NXPH1: variants seen among roughly 807,000 people sequenced by gnomAD.
The protein encoded by NXPH1 is neurexophilin-1.
Under a neutral mutation model 23.7 loss-of-function variants are expected in NXPH1, and 5 were observed. The ratio of observed to expected loss-of-function variants is 0.21; its 90% CI spans 0.11 to 0.44. The LOEUF is 0.44. Among genes scored for constraint, NXPH1 ranks in the 20% least tolerant of loss-of-function variants. The probability of loss-of-function intolerance (pLI) is 0.99; values close to 1 mark genes in which losing one functional copy is unlikely to be tolerated. For synonymous variants in NXPH1, 144 were observed against 122.2 expected, an observed-to-expected ratio of 1.18 and a Z score of -1.18; for missense variants, 324 against 321.6, an observed-to-expected ratio of 1.01 and a Z score of -0.06.
At chr7:8,485,768 G>A (rs1054288337) in intron 2 of NXPH1, among the ~76,000 whole-genome samples, 2 of 152,098 alleles carry the variant, frequency 1.3e-5, no homozygotes, top group African/African-American at 4.8e-5. Context: ...AGACATCAGA[G>A]GCAATAATTA....
chr7:8,679,737 G>C (rs181929223), intron 2 of NXPH1, among the ~76,000 whole-genome samples: 129 of 152,172 alleles, frequency 8.5e-4, no homozygotes, highest in African/African-American at 2.8e-3. Context: ...TAAGATTTAA[G>C]CTAGGCTGGG....
At chr7:8,592,038 G>A (rs1288522138) in intron 2 of NXPH1, among the ~76,000 whole-genome samples, 1 of 151,852 alleles carries the variant, frequency 6.6e-6, no homozygotes, top group Non-Finnish European at 1.5e-5. Flanking sequence ...TTCTCTTGGA[G>A]TTAAGGGATA....
intron 2 of NXPH1, among the ~76,000 whole-genome samples, chr7:8,723,038 G>A (rs561332559): frequency 2.0e-5 from 3 of 152,224 alleles, no homozygotes; most frequent in African/African-American, 4.8e-5. Flanking sequence ...TTTTAATATC[G>A]TTTTAATTTG....
intron 2 of NXPH1, among the ~76,000 whole-genome samples, chr7:8,729,991 C>G (rs1369935466): frequency 6.6e-6 from 1 of 151,844 alleles, no homozygotes; most frequent in East Asian, 1.9e-4. Context: ...CTTTGTAGGT[C>G]ACTCAGGACT....
At chr7:8,587,293 ACT>A (rs890928104) in intron 2 of NXPH1, among the ~76,000 whole-genome samples, 1 of 122,848 alleles carries the variant, frequency 8.1e-6, no homozygotes, top group African/African-American at 4.7e-5. Context: ...AGATTTTTAA[ACT>A]TTTTTTTTTT....
chr7:8,472,102 G>C (rs933306370), intron 2 of NXPH1, among the ~76,000 whole-genome samples: 1 of 151,948 alleles, frequency 6.6e-6, no homozygotes, highest in Non-Finnish European at 1.5e-5. Context: ...TTCCATAGGT[G>C]ATGTGTCTTC....
chr7:8,677,989 T>C (rs1198221947), intron 2 of NXPH1, among the ~76,000 whole-genome samples: 3 of 152,100 alleles, frequency 2.0e-5, no homozygotes, highest in Non-Finnish European at 4.4e-5. Flanking sequence ...AAATAATCTT[T>C]AGTATCAACC....
At chr7:8,657,795 A>T (rs560192258) in intron 2 of NXPH1, among the ~76,000 whole-genome samples, 208 of 152,362 alleles carry the variant, frequency 1.4e-3, no homozygotes, top group Middle Eastern at 6.8e-3. Context: ...TGGGAGGCCA[A>T]GGGAGGTGCA....
chr7:8,479,192 G>C (rs1464203759), intron 2 of NXPH1, among the ~76,000 whole-genome samples: 3 of 152,046 alleles, frequency 2.0e-5, no homozygotes, highest in African/African-American at 7.2e-5. Context: ...TTAATAAAAT[G>C]AATATAAGGA....
At chr7:8,461,778 T>A (rs574309806) in intron 2 of NXPH1, among the ~76,000 whole-genome samples, 3 of 138,948 alleles carry the variant, frequency 2.2e-5, no homozygotes, top group African/African-American at 8.5e-5. Context: ...TGCAGTGAGC[T>A]GAGATCGCGC....
At chr7:8,465,105 TAGAA>T (rs1372877749) in intron 2 of NXPH1, among the ~76,000 whole-genome samples, 1 of 152,174 alleles carries the variant, frequency 6.6e-6, no homozygotes, top group Non-Finnish European at 1.5e-5. Context: ...CAGTGGGACT[TAGAA>T]AGGACAACAG....
At chr7:8,477,263 C>T (rs1816990792) in intron 2 of NXPH1, among the ~76,000 whole-genome samples, 1 of 152,098 alleles carries the variant, frequency 6.6e-6, no homozygotes, top group African/African-American at 2.4e-5. Flanking sequence ...GACTGATATG[C>T]TTGTATACAT....
At chr7:8,458,787 G>A (rs1024689066) in intron 2 of NXPH1, among the ~76,000 whole-genome samples, 3 of 152,076 alleles carry the variant, frequency 2.0e-5, no homozygotes, top group Non-Finnish European at 4.4e-5. Context: ...AGAAAAGTAG[G>A]GTTTACCATA....
At chr7:8,701,477 T>C (rs1403831383) in intron 2 of NXPH1, among the ~76,000 whole-genome samples, 1 of 152,096 alleles carries the variant, frequency 6.6e-6, no homozygotes, top group Non-Finnish European at 1.5e-5. Context: ...TCTCCCCCAA[T>C]ATGTTGATTT....
intron 2 of NXPH1, among the ~76,000 whole-genome samples, chr7:8,453,754 G>GTT (rs1184711974): frequency 6.6e-6 from 1 of 151,938 alleles, no homozygotes; most frequent in Admixed American, 6.6e-5. Flanking sequence ...AAATGATCTT[G>GTT]TTCTTTTTTA....
chr7:8,581,499 C>A (rs1342547454), intron 2 of NXPH1, among the ~76,000 whole-genome samples: 1 of 152,160 alleles, frequency 6.6e-6, no homozygotes, highest in Non-Finnish European at 1.5e-5. Context: ...AGAGCTCACT[C>A]ACTGTCATGG....
chr7:8,694,170 G>T (rs1379232508), intron 2 of NXPH1, among the ~76,000 whole-genome samples: 1 of 152,116 alleles, frequency 6.6e-6, no homozygotes, highest in Non-Finnish European at 1.5e-5. Context: ...CATTCTTGTG[G>T]ATCATTTCCT....
intron 2 of NXPH1, among the ~76,000 whole-genome samples, chr7:8,726,467 C>T (rs1003501042): frequency 2.8e-5 from 4 of 145,230 alleles, no homozygotes; most frequent in African/African-American, 1.0e-4. Context: ...GTATATCTCC[C>T]AATGCCGTCC....
intron 2 of NXPH1, among the ~76,000 whole-genome samples, chr7:8,564,912 A>G (rs1163741093): frequency 6.6e-6 from 1 of 151,840 alleles, no homozygotes; most frequent in Non-Finnish European, 1.5e-5. Context: ...CTACAATGCC[A>G]GTTCTGGAAT....
Sources: allele counts gnomAD v4.1 joint callset (sites outside exome capture counted in the v4.1 genomes callset), GRCh38; gene constraint gnomAD v4.1.1; transcripts MANE v1.5; gene names NCBI Gene and HGNC (gene_info 2026-07-23, HGNC 2026-07-21).